The following CEP89 variants were observed in gnomAD, a reference collection of about 807,000 sequenced individuals.
CEP89 encodes the protein centrosomal protein of 89 kDa.
CEP89 carries 95 observed loss-of-function variants against 97.6 expected under a neutral mutation model. The observed-to-expected ratio is 0.97, with a 90% confidence interval of 0.82 to 1.15. The LOEUF (loss-of-function observed/expected upper bound fraction) is 1.15, where lower values mean the gene tolerates loss of function less well. Ranked by LOEUF, CEP89 falls within the 50% of genes most tolerant of loss-of-function variation. CEP89 has a pLI of 0.00. For missense variants in CEP89, 869 were observed against 947.7 expected (o/e 0.92, Z 1.09); for synonymous variants, 354 against 349.1 (o/e 1.01, Z -0.16).
chr19:32,920,541 T>A (rs528751135), intron 12 of CEP89, among the ~76,000 whole-genome samples: 27 of 152,172 alleles, frequency 1.8e-4, no homozygotes, highest in Non-Finnish European at 2.8e-4. Flanking sequence ...TGGAGTGCAG[T>A]GGCACGATCT....
At chr19:32,919,876 C>A (rs1173197326) in intron 12 of CEP89, among the ~76,000 whole-genome samples, 2 of 152,176 alleles carry the variant, frequency 1.3e-5, no homozygotes, top group Non-Finnish European at 2.9e-5. Context: ...GAACTCCTGA[C>A]CTCAGGTGAT....
chr19:32,964,371 C>T (rs1373271813), intron 2 of CEP89, among the ~76,000 whole-genome samples: 4 of 152,106 alleles, frequency 2.6e-5, no homozygotes, highest in Non-Finnish European at 4.4e-5. Flanking sequence ...AGGTTTTCAC[C>T]GTGTTGACCA....
chr19:32,899,542 C>A (rs1969718768), intron 16 of CEP89, among the ~76,000 whole-genome samples: 1 of 152,130 alleles, frequency 6.6e-6, no homozygotes, highest in African/African-American at 2.4e-5. Flanking sequence ...TGCATTTAAT[C>A]CTGGCAATAC....
chr19:32,965,512 A>T (rs1325166628), intron 2 of CEP89, among the ~76,000 whole-genome samples: 1 of 151,920 alleles, frequency 6.6e-6, no homozygotes, highest in Non-Finnish European at 1.5e-5. Context: ...CCTGGGAAAC[A>T]TGGCAAAACC....
intron 1 of CEP89, among the ~76,000 whole-genome samples, chr19:32,967,252 T>C (rs1159573404): frequency 6.6e-6 from 1 of 152,176 alleles, no homozygotes; most frequent in Non-Finnish European, 1.5e-5. Flanking sequence ...CTAGCTCCTA[T>C]ACACAATGAA....
chr19:32,926,736 A>G (rs890470084), intron 10 of CEP89, among the ~76,000 whole-genome samples, 198 bp downstream of exon 10: 3 of 152,080 alleles, frequency 2.0e-5, no homozygotes, highest in African/African-American at 7.2e-5. Flanking sequence ...TAATTTTTGT[A>G]TTTTTAGTAG....
At chr19:32,944,815 G>A (rs1295601609) in intron 5 of CEP89, among the ~76,000 whole-genome samples, 2 of 152,232 alleles carry the variant, frequency 1.3e-5, no homozygotes, top group Admixed American at 1.3e-4. Context: ...TCTCGCTAGA[G>A]TGCAGAGGGA....
At chr19:32,959,016 T>TCAAAA (rs1245269477) in intron 3 of CEP89, among the ~76,000 whole-genome samples, 28 of 145,720 alleles carry the variant, frequency 1.9e-4, no homozygotes, top group African/African-American at 4.4e-4. Flanking sequence ...AAATTCTGTC[T>TCAAAA]CAAAACAAAA....
intron 18 of CEP89, among the ~76,000 whole-genome samples, chr19:32,880,733 C>T (rs371261287): frequency 6.6e-5 from 10 of 151,598 alleles, no homozygotes; most frequent in South Asian, 2.1e-4. Context: ...TGGCTGAACT[C>T]GAAAGAACAG....
chr19:32,942,978 G>C (rs1016460459), intron 5 of CEP89, among the ~76,000 whole-genome samples: 1 of 151,568 alleles, frequency 6.6e-6, no homozygotes, highest in Admixed American at 6.6e-5. Flanking sequence ...CCAGCTGCCA[G>C]GCTCAGATGA....
At chr19:32,883,759 A>C (rs1165861188) in intron 17 of CEP89, among the ~76,000 whole-genome samples, 1 of 152,136 alleles carries the variant, frequency 6.6e-6, no homozygotes, top group Admixed American at 6.6e-5. Context: ...AGCAATGATC[A>C]ATTTTTGTGT....
In CEP89 at chr19:32,936,679, G is replaced by A. The variant is rs1970587472; in HGVS notation, c.667+952C>T. On this transcript the variant is annotated intron_variant, in intron 7 of 18. Coordinates refer to ENST00000305768, the MANE Select transcript of CEP89 (RefSeq NM_032816.5). The surrounding 1 kb of genome is among the most constrained non-coding windows in gnomAD (Gnocchi z 4.5). Reference sequence around the variant, plus strand: ...GCTGCAGAGAGGAGTTCCCCTCTCTGCTGATAGCTGGAGATGTCAGAGGAC... The same window carrying A: ...GCTGCAGAGAGGAGTTCCCCTCTCTACTGATAGCTGGAGATGTCAGAGGAC... Among the ~76,000 whole-genome samples the A allele has an allele frequency of 6.6e-6, 1 of 152,058 alleles. No individual in the cohort carries two copies. Among genetic ancestry groups the A allele is most frequent in the African/African-American group, 2.4e-5 (1 of 41,412 alleles).
chr19:32,879,160 T>G lies in CEP89; in HGVS notation c.*2A>C, dbSNP rs1969223745. On this transcript the variant is annotated 3_prime_UTR_variant, in exon 19 of 19. Transcript: ENST00000305768. ...AGGCTACACCACGGGCTCCCGCAGA[T>G]TCTAGCAGGTGGGGGCATGAGACTT... The G allele has an allele frequency of 6.2e-7, 1 of 1,605,158 alleles. No homozygotes were observed. The highest frequency in any genetic ancestry group is 1.1e-5 in the South Asian group (1 of 90,166).
chr19:32,951,201 A>T lies in CEP89; in HGVS notation c.492+2414T>A, dbSNP rs565094435. 2.0e-5 allele frequency among the ~76,000 whole-genome samples: 3 copies of T among 152,316 alleles called. No individual in the cohort carries two copies. The South Asian group carries it at 6.2e-4, about 32-fold the overall frequency. ...AGAATTTGTGATACTTTATATAAAC[A>T]TACTTTAAAAGGCTTGGCTGGGCGC... On this transcript the variant is annotated intron_variant, in intron 4 of 18. Transcript: ENST00000305768.
At chr19:32,926,654 C>T (rs1280337435) in intron 10 of CEP89, among the ~76,000 whole-genome samples, 2 of 152,192 alleles carry the variant, frequency 1.3e-5, no homozygotes, top group Non-Finnish European at 2.9e-5. Context: ...CTAAACCTCC[C>T]GGGTTCAAGC....
intron 2 of CEP89, among the ~76,000 whole-genome samples, chr19:32,960,528 G>A (rs889786274): frequency 2.0e-5 from 3 of 152,176 alleles, no homozygotes; most frequent in Non-Finnish European, 2.9e-5. Flanking sequence ...AGTAAAACAA[G>A]GCCAGGCGCG....
In CEP89 at chr19:32,934,754, T is replaced by C. The variant is rs558769060; in HGVS notation, c.668-1085A>G. Among the ~76,000 whole-genome samples the C allele has an allele frequency of 2.6e-4, 40 of 151,708 alleles. No individual in the cohort carries two copies. In the South Asian group the frequency reaches 6.9e-3, roughly 26 times the overall value. On this transcript the variant is annotated intron_variant, in intron 7 of 18. Coordinates refer to ENST00000305768, the MANE Select transcript of CEP89 (RefSeq NM_032816.5). ...GTGCCAAGAGAGGGCAGCTAGAAAA[T>C]GGGGAGGGGTGGCTCCAGGGATACA... is the stretch of plus-strand genomic sequence containing the variant.
chr19:32,951,555 A>ACACACG (rs1221560599), intron 4 of CEP89, among the ~76,000 whole-genome samples: 2 of 150,902 alleles, frequency 1.3e-5, no homozygotes, highest in Non-Finnish European at 3.0e-5. Flanking sequence ...ACACACACAC[A>ACACACG]CACACACACA....
rs774597426 is a variant in CEP89, at chr19:32,881,837, GCC to G, written c.2135+5_2135+6del. 30 of 1,597,580 alleles carry G rather than the reference GCC, an allele frequency of 1.9e-5. 1 individual carries two copies. In the East Asian group the frequency reaches 6.7e-4, roughly 36 times the overall value. ...CTGCGGGCCATGGCGCAGGGCGCAT[GCC>G]CCACCTGTTCTGCTGCAGCGCCTGG... On this transcript the variant is annotated splice_donor_5th_base_variant and intron_variant, in intron 18 of 18. Coordinates refer to ENST00000305768, the MANE Select transcript of CEP89 (RefSeq NM_032816.5).
Sources: allele counts gnomAD v4.1 joint callset (sites outside exome capture counted in the v4.1 genomes callset), GRCh38; gene constraint gnomAD v4.1.1; non-coding constraint Gnocchi (gnomAD v3.1); transcripts MANE v1.5; gene names NCBI Gene and HGNC (gene_info 2026-07-23, HGNC 2026-07-21).